The following UVSSA variants were observed in gnomAD, a reference collection of about 807,000 sequenced individuals.
The protein encoded by UVSSA is UV-stimulated scaffold protein A.
In UVSSA, 72 loss-of-function variants were observed where a neutral mutation model predicts 73.9. The ratio of observed to expected loss-of-function variants is 0.97; its 90% confidence interval spans 0.81 to 1.19. The LOEUF is 1.19. UVSSA is among the 50% of genes most tolerant of loss of function. The pLI, the probability that UVSSA is intolerant of heterozygous loss-of-function variation, is 0.00. For synonymous variants in UVSSA, 454 were observed against 391.3 expected (o/e 1.16, Z -1.89); for missense variants, 1,150 against 965.0 (o/e 1.19, Z -2.54).
At chr4:1,382,965 G>A (rs554622388) in intron 12 of UVSSA, among the ~76,000 whole-genome samples, 4 of 152,202 alleles carry the variant, frequency 2.6e-5, no homozygotes, top group Non-Finnish European at 4.4e-5. Context: ...TGGCCTTCCC[G>A]AGCCCGACCA....
At chr4:1,345,892 T>C (rs1489758479), upstream of UVSSA, among the ~76,000 whole-genome samples, 1 of 152,054 alleles carries the variant, frequency 6.6e-6, no homozygotes, top group Non-Finnish European at 1.5e-5. Flanking sequence ...AACCACGCTG[T>C]AGAAGACAGA....
At chr4:1,343,162 G>T (rs1484275123), upstream of UVSSA, among the ~76,000 whole-genome samples, 2 of 152,104 alleles carry the variant, frequency 1.3e-5, no homozygotes, top group African/African-American at 4.8e-5. Flanking sequence ...ATTTCTTCAC[G>T]GTTCTAGAGG....
At position 1,376,127 on chromosome 4, in the gene UVSSA, C is replaced by T. The variant is rs766606941; in HGVS notation, c.1527C>T (p.His509=). The T allele has an allele frequency of 5.0e-6, 8 of 1,610,242 alleles. No individual in the cohort carries two copies. The South Asian group carries it at 8.8e-5, about 18-fold the overall frequency. The change falls in exon 10 of 14, where the codon CAC becomes CAT. Residue 509 remains histidine (H), a synonymous_variant. Transcript: ENST00000389851. ...APVVPYGVDL[H]YWGQELPTAG... ...TGGTGCCCTACGGCGTGGACCTGCA[C>T]TACTGGGGCCAGGAGCTCCCCACAG...
chr4:1,366,244 C>G, intron 7 of UVSSA, 76 bp from the exon 8 acceptor site: 1 of 1,183,496 alleles, frequency 8.4e-7, no homozygotes, highest in Non-Finnish European at 1.2e-6. Flanking sequence ...TAGGAATTTC[C>G]AGGGCTCTGC....
At chr4:1,366,042 A>G (rs1281494679) in intron 7 of UVSSA, 1 of 253,736 alleles carries the variant, frequency 3.9e-6, no homozygotes, top group African/African-American at 2.2e-5. Flanking sequence ...AGCACCTCCC[A>G]CAGGGACCTG....
At chr4:1,353,461 C>T (rs776158676) in intron 5 of UVSSA, 48 bp downstream of exon 5, 57 of 1,436,144 alleles carry the variant, frequency 4.0e-5, no homozygotes, top group African/African-American at 3.6e-4. Context: ...CCCCGGCTCC[C>T]GGGTAGGCTC....
chr4:1,371,651 A>G (rs1046797839), intron 8 of UVSSA, among the ~76,000 whole-genome samples: 3 of 152,354 alleles, frequency 2.0e-5, no homozygotes, highest in African/African-American at 7.2e-5. Flanking sequence ...CGTGGATGGC[A>G]GCAGGCAGGG....
At chr4:1,357,465 G>C (rs1486625281) in intron 7 of UVSSA, among the ~76,000 whole-genome samples, 3 of 152,254 alleles carry the variant, frequency 2.0e-5, no homozygotes, top group Non-Finnish European at 4.4e-5. Flanking sequence ...TGCCCTCCAA[G>C]TGGGGTTGGC....
At chr4:1,384,787 C>T (rs1195384087) in intron 13 of UVSSA, 1 of 152,304 alleles carries the variant, frequency 6.6e-6, no homozygotes, top group African/African-American at 2.4e-5. Context: ...GAGGAGGCCC[C>T]TCCTGGCCAG....
downstream of UVSSA, chr4:1,390,507 C>G (rs1248239802): frequency 1.3e-5 from 2 of 152,212 alleles, no homozygotes; most frequent in Admixed American, 1.3e-4. Flanking sequence ...TGTGTTGGAA[C>G]TCCTGGGCTC....
chr4:1,364,826 C>T (rs941808305), intron 7 of UVSSA, among the ~76,000 whole-genome samples: 1 of 152,164 alleles, frequency 6.6e-6, no homozygotes, highest in Non-Finnish European at 1.5e-5. Flanking sequence ...CTTCAGCTGC[C>T]CTAGCAGCCC....
chr4:1,378,454 G>A (rs1719040893), intron 10 of UVSSA, among the ~76,000 whole-genome samples: 1 of 152,236 alleles, frequency 6.6e-6, no homozygotes, highest in Non-Finnish European at 1.5e-5. Flanking sequence ...TCGAGACTGA[G>A]GCGGGAGAAT....
In UVSSA at chr4:1,384,356, A is replaced by T. The variant is rs773496269; in HGVS notation, c.2036+416A>T. ...GGCGATGACTGCAAAGGCGGGCAGA[A>T]CGGGGGTCCACGCGTCAGCCCCAGC... On this transcript the variant is annotated intron_variant, in intron 13 of 13. Transcript: ENST00000389851. The T allele has an allele frequency of 1.3e-3, 241 of 190,054 alleles. 2 individuals carry two copies. Among genetic ancestry groups the T allele is most frequent in the South Asian group, 8.8e-4 (8 of 9,074 alleles). The allele number at this position is 190,054 out of a possible 1,614,324, so 11.8% of individuals were successfully genotyped here.
rs749890443 is a variant in UVSSA at position 1,353,162 on chromosome 4, G to A, written c.683G>A (p.Arg228His). ...GMASGMSDAL[R>H]SSCAGQVGPC... ...GCTTCTGGCATGTCCGATGCCCTTC[G>A]CTCCTCCTGCGCGGGCCAGGTGGGC... is the stretch of plus-strand genomic sequence containing the variant. The change falls in exon 5 of 14, where the codon CGC becomes CAC. Residue 228 changes from arginine (R) to histidine (H), a missense_variant. Transcript: ENST00000389851. 3.5e-5 allele frequency: 57 copies of A among 1,612,782 alleles called. No homozygotes were observed. The South Asian group carries it at 4.6e-4, about 13-fold the overall frequency.
At chr4:1,344,709 AGAAAAAAGCGAAT>A (rs1351074383), upstream of UVSSA, among the ~76,000 whole-genome samples, 1 of 152,252 alleles carries the variant, frequency 6.6e-6, no homozygotes, top group Non-Finnish European at 1.5e-5. Context: ...AGGAGTGAAG[AGAAAAAAGCGAAT>A]CACCTAGTAA....
intron 7 of UVSSA, among the ~76,000 whole-genome samples, chr4:1,364,386 TG>T (rs1403913433): frequency 6.6e-6 from 1 of 152,148 alleles, no homozygotes; most frequent in Non-Finnish European, 1.5e-5. Context: ...CCTGGCTCCG[TG>T]GGGGCTGGGC....
chr4:1,359,891 G>C (rs1488364058), intron 7 of UVSSA, among the ~76,000 whole-genome samples: 2 of 152,180 alleles, frequency 1.3e-5, no homozygotes, highest in African/African-American at 4.8e-5. Flanking sequence ...CCCTGGGATC[G>C]AGGCCCCACC....
At position 1,348,119 on chromosome 4, in the gene UVSSA, G is replaced by A. The variant is rs149266206; in HGVS notation, c.28G>A (p.Glu10Lys). The A allele has an allele frequency of 1.1e-5, 17 of 1,613,796 alleles. No homozygotes were observed. The African/African-American group carries it at 2.0e-4, about 19-fold the overall frequency. Reference protein sequence around the residue: MDQKLSKLVEELTTSGEPRL... With the variant: MDQKLSKLVKELTTSGEPRL... ...GGATCAGAAACTTTCGAAGTTGGTAGAAGAGCTCACAACTTCAGGAGAACC... is the reference window on the plus strand; with the variant it reads ...GGATCAGAAACTTTCGAAGTTGGTAAAAGAGCTCACAACTTCAGGAGAACC... The change falls in exon 2 of 14, where the codon GAA becomes AAA. Residue 10 changes from glutamate (E) to lysine (K), a missense_variant. Glu to Lys is a moderately conservative substitution (Grantham distance 56, BLOSUM62 1). Coordinates refer to ENST00000389851, the MANE Select transcript of UVSSA (RefSeq NM_020894.4).
In UVSSA at chr4:1,383,806, C is replaced by T; in HGVS notation, c.1902C>T (p.Ala634=). 7.4e-6 allele frequency: 12 copies of T among 1,613,698 alleles called. No homozygotes were observed. Among genetic ancestry groups the T allele is most frequent in the Non-Finnish European group, 1.0e-5 (12 of 1,180,010 alleles). Residue 634 remains alanine, a synonymous_variant, in exon 13 of 14, where the codon GCC becomes GCT. Transcript: ENST00000389851. The stretch of plus-strand genomic sequence containing the variant: ...AGTTGATGAGAGACGTGGAAGCAGC[C>T]ACAGGGCAGGATCTCGGCTCATCCA... ...DPELMRDVEA[A]TGQDLGSSRY...
Sources: allele counts gnomAD v4.1 joint callset (sites outside exome capture counted in the v4.1 genomes callset), GRCh38; gene constraint gnomAD v4.1.1; transcripts MANE v1.5; gene names NCBI Gene and HGNC (gene_info 2026-07-23, HGNC 2026-07-21).